CLDN18: variants seen among roughly 807,000 people sequenced by gnomAD.
CLDN18 encodes claudin 18.
A neutral mutation model predicts 25.0 loss-of-function variants in CLDN18; 20 were observed. The ratio of observed to expected loss-of-function variants is 0.80; its 90% CI spans 0.56 to 1.16. The LOEUF (loss-of-function observed/expected upper bound fraction) is 1.16. Among genes scored for constraint, CLDN18 ranks in the 50% most tolerant of loss-of-function variants. The pLI is 0.00. For synonymous variants in CLDN18, 125 were observed against 135.6 expected, an observed-to-expected ratio of 0.92 and a Z score of 0.54; for missense variants, 297 against 345.4, an observed-to-expected ratio of 0.86 and a Z score of 1.11.
In CLDN18 at chr3:138,023,780, G is replaced by T. The variant is rs773920904; in HGVS notation, c.343G>T (p.Ala115Ser). The change falls in exon 2 of 5, where the codon GCC (alanine) becomes TCC (serine). Residue 115 changes from alanine to serine, a missense_variant. By Grantham distance (99) the Ala-to-Ser change is moderately conservative. Coordinates refer to ENST00000183605, the MANE Select transcript of CLDN18 (RefSeq NM_016369.4). ...RIGSMEDSAK[A>S]NMTLTSGIMF... ...TGGCAGCATGGAGGACTCTGCCAAA[G>T]CCAACATGACACTGACCTCCGGGAT... 1.6e-5 allele frequency: 26 copies of T among 1,613,926 alleles called. No homozygotes were observed. Among genetic ancestry groups the T allele is most frequent in the Non-Finnish European group, 2.5e-6 (3 of 1,179,984 alleles).
chr3:138,019,095 A>G (rs1282674598), intron 1 of CLDN18, among the ~76,000 whole-genome samples: 5 of 152,166 alleles, frequency 3.3e-5, no homozygotes, highest in East Asian at 1.9e-4. Flanking sequence ...GAGGAAACTG[A>G]TATTTATTGA....
At chr3:138,019,384 C>T (rs776166280) in intron 1 of CLDN18, among the ~76,000 whole-genome samples, 3 of 152,294 alleles carry the variant, frequency 2.0e-5, no homozygotes, top group South Asian at 2.1e-4. Flanking sequence ...CTGAGCTCCC[C>T]GACTTTGGGC....
At chr3:138,009,039 C>T (rs2107877559), upstream of CLDN18, among the ~76,000 whole-genome samples, 1 of 152,374 alleles carries the variant, frequency 6.6e-6, no homozygotes, top group African/African-American at 2.4e-5. Flanking sequence ...CACCTGATGT[C>T]TTCAGCCAAG....
chr3:138,023,507 A>G, intron 1 of CLDN18, 151 bp from the exon 2 acceptor site: 1 of 635,688 alleles, frequency 1.6e-6, no homozygotes, highest in East Asian at 2.8e-5. Context: ...ATCCTTTGAC[A>G]ATGGCAAGGT....
chr3:138,006,297 T>G (rs1942068974), upstream of CLDN18, among the ~76,000 whole-genome samples: 1 of 152,232 alleles, frequency 6.6e-6, no homozygotes, highest in Non-Finnish European at 1.5e-5. Flanking sequence ...CTATAATATT[T>G]TCTATTGTTA....
intron 1 of CLDN18, among the ~76,000 whole-genome samples, chr3:137,999,918 T>C (rs1214881206): frequency 2.6e-5 from 4 of 152,128 alleles, no homozygotes; most frequent in Non-Finnish European, 4.4e-5. Context: ...ATGAATAAAT[T>C]TGTCGTTTTT....
At chr3:138,024,565 C>A (rs1942303388) in intron 2 of CLDN18, 42 bp from the exon 3 acceptor site, 3 of 1,198,212 alleles carry the variant, frequency 2.5e-6, no homozygotes, top group Non-Finnish European at 3.7e-6. Flanking sequence ...CATTGTAATC[C>A]CTTGAAACTA....
chr3:138,005,158 T>C (rs1335433709), intron 1 of CLDN18: 1 of 152,180 alleles, frequency 6.6e-6, no homozygotes, highest in East Asian at 1.9e-4. Context: ...AAACTGACAA[T>C]TCAAGAAAAG....
chr3:138,030,951 A>G lies in CLDN18; in HGVS notation c.615-19A>G. On this transcript the variant is annotated intron_variant, in intron 4 of 4. Coordinates refer to ENST00000183605, the MANE Select transcript of CLDN18 (RefSeq NM_016369.4). ...TAACAAAGACATCTACAATCATGGA[A>G]TGTTTATTTTTCTTTCAGCTACAAA... 4 of 1,605,290 alleles carry G rather than the reference A, an allele frequency of 2.5e-6. No individual in the cohort carries two copies. Among genetic ancestry groups the G allele is most frequent in the Non-Finnish European group, 3.4e-6 (4 of 1,173,982 alleles).
intron 1 of CLDN18, among the ~76,000 whole-genome samples, chr3:138,018,705 T>C (rs1290363517): frequency 1.3e-5 from 2 of 152,208 alleles, no homozygotes; most frequent in East Asian, 3.8e-4. Flanking sequence ...CTCGTAGTAG[T>C]ATTGCATTGG....
At chr3:138,020,553 G>T (rs867768605) in intron 1 of CLDN18, among the ~76,000 whole-genome samples, 22 of 152,166 alleles carry the variant, frequency 1.4e-4, no homozygotes, top group African/African-American at 4.6e-4. Flanking sequence ...ATGAAAAATT[G>T]CTTTATGATA....
rs1411237599 is a variant in CLDN18 at position 138,031,831 on chromosome 3, C to T, written c.*690C>T. On this transcript the variant is annotated 3_prime_UTR_variant, in exon 5 of 5. Coordinates refer to ENST00000183605, the MANE Select transcript of CLDN18 (RefSeq NM_016369.4). ...CTCCACTGGAGTCCTCTTTCTGTCG[C>T]GGGTCAGAAATTGTCCCTAGATGAA... The T allele has an allele frequency of 1.3e-5, 2 of 152,062 alleles. No individual in the cohort carries two copies. The highest frequency in any genetic ancestry group is 6.5e-5 in the Admixed American group (1 of 15,288). 9.4% of individuals were successfully genotyped at this position (152,062 alleles called of 1,614,324 possible).
chr3:138,001,571 G>C (rs1017476224), intron 1 of CLDN18, among the ~76,000 whole-genome samples: 1 of 152,046 alleles, frequency 6.6e-6, no homozygotes, highest in Non-Finnish European at 1.5e-5. Flanking sequence ...AGGCTCAGAG[G>C]AGCAAGGTGA....
intron 1 of CLDN18, among the ~76,000 whole-genome samples, chr3:138,020,566 T>C (rs559587198): frequency 1.3e-5 from 2 of 152,338 alleles, no homozygotes; most frequent in African/African-American, 2.4e-5. Context: ...TTATGATACA[T>C]ACACACCTTA....
intron 3 of CLDN18, among the ~76,000 whole-genome samples, chr3:138,026,769 C>G (rs1942332431): frequency 6.6e-6 from 1 of 152,162 alleles, no homozygotes; most frequent in Non-Finnish European, 1.5e-5. Context: ...GTGAAGGAAA[C>G]AGGGACGGGA....
intron 1 of CLDN18, among the ~76,000 whole-genome samples, chr3:138,018,295 GGACAGAAGGGCAAAAGA>G (rs1376330749): frequency 6.6e-6 from 1 of 151,854 alleles, no homozygotes; most frequent in Non-Finnish European, 1.5e-5. Context: ...ATGGCAGAAG[GGACAGAAGGGCAAAAGA>G]GACAAACAGG....
At chr3:137,998,948 T>A (rs1360215699) in exon 1 of CLDN18, 1 of 1,614,128 alleles carries the variant, frequency 6.2e-7, no homozygotes, top group Non-Finnish European at 8.5e-7. Context: ...GCCACCTGCA[T>A]GGACCAGTGG....
chr3:137,998,974 T>C (rs1473384286), exon 1 of CLDN18: 2 of 1,614,216 alleles, frequency 1.2e-6, no homozygotes, highest in Middle Eastern at 1.6e-4. Flanking sequence ...CCAAGACTTG[T>C]ACAACAACCC....
chr3:138,008,826 T>C (rs951980517), upstream of CLDN18, among the ~76,000 whole-genome samples: 2 of 152,046 alleles, frequency 1.3e-5, no homozygotes, highest in Non-Finnish European at 2.9e-5. Flanking sequence ...CTCTGGAGGC[T>C]GAGGCATGAG....
Sources: allele counts gnomAD v4.1 joint callset (sites outside exome capture counted in the v4.1 genomes callset), GRCh38; gene constraint gnomAD v4.1.1; transcripts MANE v1.5; gene names NCBI Gene and HGNC (gene_info 2026-07-23, HGNC 2026-07-21).